The following RAB6B variants were observed in gnomAD, a reference collection of about 807,000 sequenced individuals.
RAB6B encodes the protein ras-related protein Rab-6B.
A neutral mutation model predicts 31.2 loss-of-function variants in RAB6B; 7 were observed. The observed-to-expected ratio is 0.22, with a 90% CI of 0.13 to 0.42. The LOEUF is 0.42. RAB6B is among the 10% of genes least tolerant of loss of function. The pLI is 1.00. For synonymous variants in RAB6B, 105 were observed against 104.9 expected (o/e 1.00, Z -0.01); for missense variants, 149 against 280.6 (o/e 0.53, Z 3.35).
intron 2 of RAB6B, among the ~76,000 whole-genome samples, chr3:133,857,426 G>GAAA (rs71136497): frequency 8.3e-6 from 1 of 119,824 alleles, no homozygotes; most frequent in Non-Finnish European, 1.7e-5. Flanking sequence ...TTTTTGAAGG[G>GAAA]AAAAAAAAAA....
Position 133,895,784 on chromosome 3 carries a change from C to A in RAB6B, c.-318G>T, listed in dbSNP as rs1936704422. On this transcript the variant is annotated 5_prime_UTR_variant, in exon 1 of 8. Transcript: ENST00000285208. Reference sequence around the variant, plus strand: ...CGCTGGGAGAGAGGCGCGGGCGGAGCGGGGCGCAGGGACGGCGCGCGGGGC... The same window carrying A: ...CGCTGGGAGAGAGGCGCGGGCGGAGAGGGGCGCAGGGACGGCGCGCGGGGC... 8.5e-6 allele frequency: 3 copies of A among 351,036 alleles called. No individual in the cohort carries two copies. Among genetic ancestry groups the A allele is most frequent in the Non-Finnish European group, 1.5e-5 (3 of 196,358 alleles). 21.7% of individuals were successfully genotyped at this position (351,036 alleles called of 1,614,324 possible). A position where few individuals can be genotyped will look rare whatever the true frequency, so the allele number is the denominator to read the frequency against.
intron 1 of RAB6B, among the ~76,000 whole-genome samples, chr3:133,893,973 C>T (rs886426985): frequency 3.3e-5 from 5 of 152,244 alleles, no homozygotes; most frequent in African/African-American, 1.2e-4. Context: ...GTCCCCCAAA[C>T]CCATCTCCAT....
At chr3:133,889,113 C>T (rs1173637415) in intron 1 of RAB6B, among the ~76,000 whole-genome samples, 3 of 152,096 alleles carry the variant, frequency 2.0e-5, no homozygotes, top group African/African-American at 7.2e-5. Context: ...CTGTCACCTT[C>T]CCCAGTGGTT....
intron 2 of RAB6B, among the ~76,000 whole-genome samples, chr3:133,849,513 G>C (rs888223881): frequency 2.6e-5 from 4 of 152,222 alleles, no homozygotes; most frequent in African/African-American, 9.7e-5. Flanking sequence ...TACAGGGTGA[G>C]AGACAAGAGG....
At chr3:133,873,127 A>T (rs966502062) in intron 1 of RAB6B, among the ~76,000 whole-genome samples, 2 of 152,264 alleles carry the variant, frequency 1.3e-5, no homozygotes, top group Admixed American at 6.5e-5. Context: ...AAGAAGGAAC[A>T]GGGCGAGTGC....
At chr3:133,862,907 G>A (rs935978046) in intron 2 of RAB6B, among the ~76,000 whole-genome samples, 11 of 152,134 alleles carry the variant, frequency 7.2e-5, no homozygotes, top group African/African-American at 2.4e-4. Flanking sequence ...TAACTTAATA[G>A]TAAGAAATCA....
intron 2 of RAB6B, among the ~76,000 whole-genome samples, chr3:133,845,918 T>C (rs34067336): frequency 0.25 from 37,890 of 152,042 alleles, 5,897 homozygotes; most frequent in Middle Eastern, 0.38. Context: ...AAGAGATTTA[T>C]GAAAATTCTA....
chr3:133,872,467 C>A (rs1033866623), intron 1 of RAB6B, among the ~76,000 whole-genome samples: 2 of 152,244 alleles, frequency 1.3e-5, no homozygotes, highest in Non-Finnish European at 2.9e-5. Flanking sequence ...GCCCCCAGGC[C>A]CTGTGGTGAC....
intron 2 of RAB6B, among the ~76,000 whole-genome samples, chr3:133,856,820 G>T (rs1936085448): frequency 6.6e-6 from 1 of 152,206 alleles, no homozygotes; most frequent in Non-Finnish European, 1.5e-5. Flanking sequence ...CAGTGCCCCA[G>T]TGGGTCTCTG....
At chr3:133,850,307 T>C (rs1484244908) in intron 2 of RAB6B, among the ~76,000 whole-genome samples, 1 of 152,098 alleles carries the variant, frequency 6.6e-6, no homozygotes, top group Non-Finnish European at 1.5e-5. Flanking sequence ...TAACCCAAAA[T>C]TACTAGTCAT....
chr3:133,848,550 G>A (rs1052141036), intron 2 of RAB6B, among the ~76,000 whole-genome samples: 7 of 152,150 alleles, frequency 4.6e-5, no homozygotes, highest in African/African-American at 7.2e-5. Flanking sequence ...TGGAAGCTGC[G>A]AAGTCTAAGA....
In RAB6B at chr3:133,826,366, G is replaced by A. The variant is rs1935563013; in HGVS notation, c.*2422C>T. 1 of 152,258 alleles carries A rather than the reference G, an allele frequency of 6.6e-6. No homozygotes were observed. The highest frequency in any genetic ancestry group is 2.1e-4 in the South Asian group (1 of 4,830). The allele number at this position is 152,258 out of a possible 1,614,324, so 9.4% of individuals were successfully genotyped here. A position where few individuals can be genotyped will look rare whatever the true frequency, so the allele number is the denominator to read the frequency against. On this transcript the variant is annotated 3_prime_UTR_variant, in exon 8 of 8. Coordinates refer to ENST00000285208, the MANE Select transcript of RAB6B (RefSeq NM_016577.4). ...TTGGATGTGTGTGCCCCTGAGAAGG[G>A]AACTGAGTTTCTACTGTTTTATGGG...
intron 2 of RAB6B, among the ~76,000 whole-genome samples, chr3:133,852,395 C>A (rs1021089214): frequency 1.3e-5 from 2 of 152,108 alleles, no homozygotes; most frequent in African/African-American, 4.8e-5. Context: ...GTAACACTGT[C>A]ACTAGATGCC....
At chr3:133,842,795 T>C (rs1216722453) in intron 2 of RAB6B, among the ~76,000 whole-genome samples, 1 of 152,246 alleles carries the variant, frequency 6.6e-6, no homozygotes, top group Non-Finnish European at 1.5e-5. Flanking sequence ...CAGAGCATTT[T>C]CTTTCCTTCA....
intron 1 of RAB6B, among the ~76,000 whole-genome samples, chr3:133,873,465 A>G (rs565246710): frequency 6.6e-6 from 1 of 152,136 alleles, no homozygotes; most frequent in East Asian, 1.9e-4. Flanking sequence ...CCAGAGAAAC[A>G]TGCTGCCAGC....
intron 2 of RAB6B, among the ~76,000 whole-genome samples, chr3:133,852,627 C>T (rs936558676): frequency 1.1e-4 from 17 of 151,952 alleles, no homozygotes; most frequent in African/African-American, 2.7e-4. Context: ...TGTGCCACCA[C>T]GCCCAGCTAA....
Position 133,828,199 on chromosome 3 carries a change from C to G in RAB6B, c.*589G>C, listed in dbSNP as rs1229748559. On this transcript the variant is annotated 3_prime_UTR_variant, in exon 8 of 8. Transcript: ENST00000285208. ...ACGACCCACTCTGGCCATGGAAAGA[C>G]AAGAGTCAGAGCTACCTTTTCAGAG... is the stretch of plus-strand genomic sequence containing the variant. The G allele has an allele frequency of 1.7e-6, 1 of 576,760 alleles. No individual in the cohort carries two copies. Among genetic ancestry groups the G allele is most frequent in the Non-Finnish European group, 3.1e-6 (1 of 324,128 alleles). 35.7% of individuals were successfully genotyped at this position (576,760 alleles called of 1,614,324 possible).
At position 133,841,545 on chromosome 3, in the gene RAB6B, G is replaced by A. The variant is rs1935830026; in HGVS notation, c.183+65C>T. 4.4e-6 allele frequency: 7 copies of A among 1,582,728 alleles called. No homozygotes were observed. The Admixed American group carries it at 1.0e-4, about 23-fold the overall frequency. On this transcript the variant is annotated intron_variant, in intron 3 of 7. Transcript: ENST00000285208. The stretch of plus-strand genomic sequence containing the variant: ...GTGCTCTCAGTGGTGCCCAGCTAAG[G>A]GTCCTAGGGGATAAGCCCAAAGGAA...
chr3:133,838,632 C>T (rs1935777503), intron 5 of RAB6B, among the ~76,000 whole-genome samples: 1 of 152,182 alleles, frequency 6.6e-6, no homozygotes, highest in Non-Finnish European at 1.5e-5. Flanking sequence ...GTCGCATTTT[C>T]CCTGTGAGAA....
Sources: gnomAD v4.1 joint callset for allele counts (sites outside exome capture counted in the v4.1 genomes callset) on GRCh38, gnomAD v4.1.1 for gene constraint, MANE v1.5 for transcripts, NCBI Gene and HGNC (gene_info 2026-07-23, HGNC 2026-07-21) for gene names.